ANKRD18A: variants seen among roughly 807,000 people sequenced by gnomAD.
ANKRD18A encodes the protein ankyrin repeat domain 18A.
Under a neutral mutation model 110.6 loss-of-function variants are expected in ANKRD18A, and 72 were observed. That is an observed-to-expected ratio of 0.65 (90% CI 0.54 to 0.79). The LOEUF is 0.79. Ranked by LOEUF, ANKRD18A falls within the 30% of genes least tolerant of loss-of-function variation. ANKRD18A has a pLI of 0.00. For missense variants in ANKRD18A, 934 were observed against 1,163.3 expected (o/e 0.80, Z 2.87); for synonymous variants, 305 against 410.3 (o/e 0.74, Z 3.10).
At chr9:38,606,029 G>A (rs980037909) in intron 6 of ANKRD18A, among the ~76,000 whole-genome samples, 1 of 152,166 alleles carries the variant, frequency 6.6e-6, no homozygotes, top group African/African-American at 2.4e-5. Context: ...AACTTATGGT[G>A]AATAAATTAA....
intron 15 of ANKRD18A, chr9:38,573,145 AAT>A: frequency 8.8e-6 from 10 of 1,135,610 alleles, no homozygotes; most frequent in Non-Finnish European, 1.0e-5. Context: ...ATAAGTAAAT[AAT>A]AATAATAATA....
chr9:38,576,036 T>C (rs1160503489), intron 14 of ANKRD18A, among the ~76,000 whole-genome samples: 1 of 152,242 alleles, frequency 6.6e-6, no homozygotes, highest in African/African-American at 2.4e-5. Flanking sequence ...CCTTTAGATA[T>C]ACTTGTATTT....
intron 3 of ANKRD18A, among the ~76,000 whole-genome samples, chr9:38,614,442 A>G (rs1398260596): frequency 6.6e-6 from 1 of 152,100 alleles, no homozygotes; most frequent in Non-Finnish European, 1.5e-5. Context: ...GCCACAGTGC[A>G]TGGCTTCAAG....
In ANKRD18A at chr9:38,593,829, T is replaced by C; in HGVS notation, c.1935A>G (p.Thr645=). 2 of 1,543,792 alleles carry C rather than the reference T, an allele frequency of 1.3e-6. No individual in the cohort carries two copies. Among genetic ancestry groups the C allele is most frequent in the Non-Finnish European group, 1.7e-6 (2 of 1,144,066 alleles). Residue 645 remains threonine, a synonymous_variant, in exon 10 of 16, where the codon ACA becomes ACG. Transcript: ENST00000399703. The part of the protein sequence containing the change: ...FSISESPLEG[T]SHCHINLNET... ...CATTCAAATTAATATGACAATGTGA[T>C]GTACCTTCCAGTGGAGACTCTGATA... is the stretch of plus-strand genomic sequence containing the variant.
At chr9:38,596,843 T>A (rs1235602499) in intron 8 of ANKRD18A, among the ~76,000 whole-genome samples, 1 of 152,214 alleles carries the variant, frequency 6.6e-6, no homozygotes, top group Non-Finnish European at 1.5e-5. Context: ...CTCAAAGTTT[T>A]AAAAGTTCTG....
chr9:38,619,958 A>T (rs1826014183), intron 1 of ANKRD18A, 122 bp downstream of exon 1: 1 of 1,265,750 alleles, frequency 7.9e-7, no homozygotes, highest in South Asian at 1.6e-5. Context: ...CTGAGGCTCC[A>T]TTTGGCTCCG....
intron 15 of ANKRD18A, among the ~76,000 whole-genome samples, chr9:38,573,512 C>T (rs1342024323): frequency 2.0e-5 from 3 of 152,056 alleles, no homozygotes; most frequent in Non-Finnish European, 4.4e-5. Context: ...GTCAAGAGAT[C>T]GAGACCATCC....
chr9:38,618,520 A>C (rs1468646928), intron 1 of ANKRD18A, among the ~76,000 whole-genome samples: 2 of 152,148 alleles, frequency 1.3e-5, no homozygotes, highest in Non-Finnish European at 2.9e-5. Flanking sequence ...CTATTTTCTG[A>C]AGGTATTTTA....
intron 3 of ANKRD18A, among the ~76,000 whole-genome samples, chr9:38,615,226 A>C (rs1328828740): frequency 6.6e-6 from 1 of 152,200 alleles, no homozygotes; most frequent in Non-Finnish European, 1.5e-5. Context: ...CGTCAGCAGC[A>C]GCAAGACTTC....
At chr9:38,588,840 T>G (rs1378010391) in intron 10 of ANKRD18A, among the ~76,000 whole-genome samples, 177 bp from the exon 11 acceptor site, 1 of 152,184 alleles carries the variant, frequency 6.6e-6, no homozygotes, top group African/African-American at 2.4e-5. Flanking sequence ...TTAAAACAGC[T>G]AAAAAAGATT....
chr9:38,588,545 C>T lies in ANKRD18A; in HGVS notation c.2117+6G>A. 4 of 1,310,948 alleles carry T rather than the reference C, an allele frequency of 3.1e-6. No individual in the cohort carries two copies. The highest frequency in any genetic ancestry group is 4.0e-6 in the Non-Finnish European group (4 of 1,011,966). The allele number at this position is 1,310,948 out of a possible 1,614,324, so 81.2% of individuals were successfully genotyped here. A position where few individuals can be genotyped will look rare whatever the true frequency, so the allele number is the denominator to read the frequency against. On this transcript the variant is annotated splice_donor_region_variant and intron_variant, in intron 11 of 15. Coordinates refer to ENST00000399703, the MANE Select transcript of ANKRD18A (RefSeq NM_147195.4). Reference sequence around the variant, plus strand: ...GTTAAAATGTTCTACAATATGAAAACCATACCCAGTTGCCTCTTCTTCTAA... The same window carrying T: ...GTTAAAATGTTCTACAATATGAAAATCATACCCAGTTGCCTCTTCTTCTAA...
At chr9:38,593,615 G>C in intron 10 of ANKRD18A, 145 bp downstream of exon 10, 4 of 875,164 alleles carry the variant, frequency 4.6e-6, no homozygotes, top group Non-Finnish European at 6.2e-6. Context: ...AGTTGAAGAA[G>C]TACGTTATAA....
chr9:38,571,439 A>T lies in ANKRD18A; in HGVS notation c.*606T>A. ...TAAGAAAAACAATCATCTGGCAACCATCACAGTAATACTTGTTCAAACACA... is the reference window on the plus strand; with the variant it reads ...TAAGAAAAACAATCATCTGGCAACCTTCACAGTAATACTTGTTCAAACACA... On this transcript the variant is annotated 3_prime_UTR_variant, in exon 16 of 16. Transcript: ENST00000399703. The T allele has an allele frequency of 1.7e-6, 1 of 574,802 alleles. No homozygotes were observed. The highest frequency in any genetic ancestry group is 2.5e-6 in the Non-Finnish European group (1 of 401,368). 35.6% of individuals were successfully genotyped at this position (574,802 alleles called of 1,614,324 possible). A position where few individuals can be genotyped will look rare whatever the true frequency, so the allele number is the denominator to read the frequency against.
At chr9:38,580,331 T>C (rs576380078) in intron 12 of ANKRD18A, among the ~76,000 whole-genome samples, 1 of 152,264 alleles carries the variant, frequency 6.6e-6, no homozygotes, top group South Asian at 2.1e-4. Context: ...GCCCAAGAGG[T>C]TGAGGCTGCA....
At chr9:38,613,839 C>T (rs2996355) in intron 3 of ANKRD18A, among the ~76,000 whole-genome samples, 58,051 of 152,046 alleles carry the variant, frequency 0.38, 11,466 homozygotes, top group East Asian at 0.51. Flanking sequence ...TGAACATTTG[C>T]TGACACATAA....
chr9:38,569,119 C>A (rs1447201701), downstream of ANKRD18A: 1 of 985,262 alleles, frequency 1.0e-6, no homozygotes, highest in African/African-American at 1.7e-5. Flanking sequence ...ATGCAGGAAC[C>A]AAGTAGGGCG....
the ANKRD18A span, chr9:38,566,260 T>G: frequency 3.3e-5 from 5 of 152,340 alleles, no homozygotes; most frequent in East Asian, 9.6e-4. Flanking sequence ...AGTTACAAAG[T>G]TCAAAGTCTC....
chr9:38,620,057 C>A (rs565417571), intron 1 of ANKRD18A, 23 bp downstream of exon 1: 2 of 1,548,720 alleles, frequency 1.3e-6, no homozygotes, highest in Admixed American at 2.0e-5. Context: ...CCCCTCCCAC[C>A]GCGGGCTGAG....
chr9:38,575,816 C>T (rs187897444), intron 14 of ANKRD18A, 118 bp from the exon 15 acceptor site: 46 of 957,130 alleles, frequency 4.8e-5, no homozygotes, highest in Admixed American at 4.4e-4. Flanking sequence ...TTAAACAGTG[C>T]TTTCACACAA....
Sources: gnomAD v4.1 joint callset for allele counts (sites outside exome capture counted in the v4.1 genomes callset) on GRCh38, gnomAD v4.1.1 for gene constraint, MANE v1.5 for transcripts, NCBI Gene and HGNC (gene_info 2026-07-23, HGNC 2026-07-21) for gene names.